Variants in FAM210A observed in about 807,000 individuals in gnomAD.
FAM210A encodes mitochondrial inner membrane scaffold 1.
A neutral mutation model predicts 25.3 loss-of-function variants in FAM210A; 13 were observed. That is an observed-to-expected ratio of 0.51 (90% CI 0.33 to 0.82). FAM210A has a LOEUF of 0.82. Ranked by LOEUF, FAM210A falls within the 40% of genes least tolerant of loss-of-function variation. The probability of loss-of-function intolerance (pLI) is 0.02; values close to 1 mark genes in which losing one functional copy is unlikely to be tolerated. For missense variants in FAM210A, 319 were observed against 323.2 expected, an observed-to-expected ratio of 0.99 and a Z score of 0.10; for synonymous variants, 125 against 118.7, an observed-to-expected ratio of 1.05 and a Z score of -0.35.
At chr18:13,668,297 TGG>T (rs935322971) in intron 3 of FAM210A, among the ~76,000 whole-genome samples, 1 of 152,214 alleles carries the variant, frequency 6.6e-6, no homozygotes, top group Non-Finnish European at 1.5e-5. Context: ...TCCCTTCACT[TGG>T]CTCCAGGCCC....
chr18:13,664,656 A>C lies in FAM210A; in HGVS notation c.*1824T>G, dbSNP rs1315142002. 6.6e-6 allele frequency: 1 copy of C among 152,218 alleles called. No individual in the cohort carries two copies. Among genetic ancestry groups the C allele is most frequent in the Non-Finnish European group, 1.5e-5 (1 of 68,044 alleles). 9.4% of individuals were successfully genotyped at this position (152,218 alleles called of 1,614,324 possible). Reference sequence around the variant, plus strand: ...GAGCAGAGACACAGCTGCATCTCTCAGCACTCTCCCCGGCCCCCAAGAAGA... The same window carrying C: ...GAGCAGAGACACAGCTGCATCTCTCCGCACTCTCCCCGGCCCCCAAGAAGA... On this transcript the variant is annotated 3_prime_UTR_variant, in exon 4 of 4. Transcript: ENST00000651643.
At chr18:13,724,811 T>C (rs910656542) in intron 1 of FAM210A, among the ~76,000 whole-genome samples, 1 of 152,264 alleles carries the variant, frequency 6.6e-6, no homozygotes, top group Non-Finnish European at 1.5e-5. Flanking sequence ...TCTCGCTCTG[T>C]CGCCCAGGCT....
chr18:13,678,699 C>T (rs977229732), intron 2 of FAM210A, among the ~76,000 whole-genome samples: 28 of 152,224 alleles, frequency 1.8e-4, no homozygotes, highest in Admixed American at 1.7e-3. Flanking sequence ...GAAACATCTA[C>T]TGTTTGTCAC....
chr18:13,685,425 T>C (rs756229967), intron 1 of FAM210A, among the ~76,000 whole-genome samples: 12 of 152,118 alleles, frequency 7.9e-5, no homozygotes, highest in Admixed American at 2.0e-4. Flanking sequence ...AAGGTCCGAA[T>C]AGGAAACATT....
intron 1 of FAM210A, among the ~76,000 whole-genome samples, chr18:13,701,706 T>A (rs982706170): frequency 1.1e-4 from 16 of 152,240 alleles, no homozygotes; most frequent in Non-Finnish European, 1.3e-4. Flanking sequence ...CAGTAGAATG[T>A]TCTGAATAAA....
chr18:13,684,032 ACAG>A (rs1179388104), intron 1 of FAM210A, among the ~76,000 whole-genome samples: 2 of 152,202 alleles, frequency 1.3e-5, no homozygotes, highest in Non-Finnish European at 2.9e-5. Flanking sequence ...TAATCCAACA[ACAG>A]TACAAATGAG....
At chr18:13,687,720 T>A (rs2043609107) in intron 1 of FAM210A, 1 of 152,194 alleles carries the variant, frequency 6.6e-6, no homozygotes, top group African/African-American at 2.4e-5. Flanking sequence ...AGTCCTAGGA[T>A]CATGGTTAAA....
chr18:13,709,095 T>A (rs1345033271), intron 1 of FAM210A, among the ~76,000 whole-genome samples: 2 of 152,112 alleles, frequency 1.3e-5, no homozygotes, highest in African/African-American at 2.4e-5. Context: ...TCTGATCAGA[T>A]TCCTCTCACA....
intron 1 of FAM210A, among the ~76,000 whole-genome samples, chr18:13,718,071 C>T (rs1421023293): frequency 6.6e-6 from 1 of 152,138 alleles, no homozygotes; most frequent in African/African-American, 2.4e-5. Context: ...GTTGAACCTC[C>T]AGATGAGAAT....
At chr18:13,685,495 T>C (rs560332897) in intron 1 of FAM210A, among the ~76,000 whole-genome samples, 199 of 152,306 alleles carry the variant, frequency 1.3e-3, no homozygotes, top group African/African-American at 4.7e-3. Context: ...ATTAAGAACC[T>C]TGGTATCCAC....
chr18:13,679,250 T>G (rs2043529458), intron 2 of FAM210A, among the ~76,000 whole-genome samples: 1 of 152,194 alleles, frequency 6.6e-6, no homozygotes, highest in South Asian at 2.1e-4. Context: ...CTACAAACTA[T>G]TTTTCTCCCT....
At chr18:13,669,412 C>T (rs148658593) in intron 3 of FAM210A, among the ~76,000 whole-genome samples, 41 of 152,280 alleles carry the variant, frequency 2.7e-4, no homozygotes, top group Middle Eastern at 3.4e-3. Context: ...TCACTGATTC[C>T]GGTCACACTA....
At chr18:13,684,831 T>C (rs2043583288) in intron 1 of FAM210A, among the ~76,000 whole-genome samples, 1 of 152,098 alleles carries the variant, frequency 6.6e-6, no homozygotes, top group African/African-American at 2.4e-5. Flanking sequence ...TAACAAATTC[T>C]AAAAAATGAA....
At chr18:13,715,568 C>G (rs1243359948) in intron 1 of FAM210A, among the ~76,000 whole-genome samples, 1 of 152,136 alleles carries the variant, frequency 6.6e-6, no homozygotes, top group Non-Finnish European at 1.5e-5. Flanking sequence ...TTTCATTATA[C>G]TGTGAGATTC....
intron 1 of FAM210A, among the ~76,000 whole-genome samples, chr18:13,721,598 G>A (rs894126712): frequency 6.6e-6 from 1 of 152,058 alleles, no homozygotes; most frequent in East Asian, 1.9e-4. Context: ...TTCCTACCAC[G>A]ATCGCCCTCA....
chr18:13,690,261 C>T (rs933715497), intron 1 of FAM210A, among the ~76,000 whole-genome samples: 2 of 152,212 alleles, frequency 1.3e-5, no homozygotes, highest in Admixed American at 6.5e-5. Flanking sequence ...CAGGGAAGCT[C>T]GAACTGGGTG....
intron 1 of FAM210A, among the ~76,000 whole-genome samples, chr18:13,682,466 G>T (rs1222052403): frequency 6.6e-6 from 1 of 152,132 alleles, no homozygotes; most frequent in Non-Finnish European, 1.5e-5. Context: ...TACTCAGGAG[G>T]CTGAGGCAGA....
At chr18:13,682,632 T>A (rs1195777909) in intron 1 of FAM210A, among the ~76,000 whole-genome samples, 4 of 150,988 alleles carry the variant, frequency 2.6e-5, no homozygotes, top group African/African-American at 9.8e-5. Context: ...ATTTTGGGAG[T>A]CTGAGGCAGG....
intron 1 of FAM210A, among the ~76,000 whole-genome samples, chr18:13,691,355 T>TC (rs1353116191): frequency 1.3e-5 from 2 of 152,040 alleles, no homozygotes; most frequent in Non-Finnish European, 2.9e-5. Flanking sequence ...GAGGAGAACT[T>TC]CCCCAGCCTA....
Sources: allele counts gnomAD v4.1 joint callset (sites outside exome capture counted in the v4.1 genomes callset), GRCh38; gene constraint gnomAD v4.1.1; transcripts MANE v1.5; gene names NCBI Gene and HGNC (gene_info 2026-07-23, HGNC 2026-07-21).